PTPRT: variants seen among roughly 807,000 people sequenced by gnomAD.
The protein encoded by PTPRT is receptor-type tyrosine-protein phosphatase T.
A neutral mutation model predicts 176.8 loss-of-function variants in PTPRT; 56 were observed. That is an observed-to-expected ratio of 0.32 (90% CI 0.26 to 0.40). PTPRT has a LOEUF of 0.40. PTPRT is among the 10% of genes least tolerant of loss of function. PTPRT has a pLI of 1.00. For missense variants in PTPRT, 1,540 were observed against 1,908.2 expected (o/e 0.81, Z 3.60); for synonymous variants, 783 against 739.0 (o/e 1.06, Z -0.96).
At chr20:42,253,104 C>A (rs570446690) in intron 13 of PTPRT, among the ~76,000 whole-genome samples, 1 of 152,148 alleles carries the variant, frequency 6.6e-6, no homozygotes, top group Non-Finnish European at 1.5e-5. Flanking sequence ...ACAGCATCCA[C>A]GTGTGACTCC....
intron 1 of PTPRT, among the ~76,000 whole-genome samples, chr20:43,100,005 T>C (rs1216639661): frequency 1.3e-5 from 2 of 152,168 alleles, no homozygotes; most frequent in Non-Finnish European, 2.9e-5. Context: ...TGTATTAATC[T>C]TGGAAGGAAG....
chr20:43,059,356 G>A (rs1047058616), intron 1 of PTPRT, among the ~76,000 whole-genome samples: 4 of 152,126 alleles, frequency 2.6e-5, no homozygotes, highest in African/African-American at 9.7e-5. Context: ...CAGTGAGGAG[G>A]AGCCAAGGCA....
chr20:42,982,510 G>C (rs1983338352), intron 1 of PTPRT, among the ~76,000 whole-genome samples: 1 of 152,178 alleles, frequency 6.6e-6, no homozygotes, highest in South Asian at 2.1e-4. Flanking sequence ...TAAGATCTAA[G>C]CGTATAAAAA....
At chr20:42,461,240 T>G (rs545562476) in intron 8 of PTPRT, among the ~76,000 whole-genome samples, 196 of 152,292 alleles carry the variant, frequency 1.3e-3, no homozygotes, top group African/African-American at 4.7e-3. Flanking sequence ...AGCAGGAGAA[T>G]GGCTTGAACC....
At chr20:42,643,926 G>A (rs1401678125) in intron 7 of PTPRT, among the ~76,000 whole-genome samples, 5 of 151,190 alleles carry the variant, frequency 3.3e-5, no homozygotes, top group African/African-American at 1.2e-4. Flanking sequence ...CTCCTTCTTT[G>A]ACAAGGTGCT....
At chr20:42,749,988 T>C (rs772606080) in intron 6 of PTPRT, among the ~76,000 whole-genome samples, 1 of 152,130 alleles carries the variant, frequency 6.6e-6, no homozygotes, top group Non-Finnish European at 1.5e-5. Context: ...CTATGCCTGA[T>C]ACAGTCTCAA....
chr20:42,350,373 C>T (rs561353863), intron 11 of PTPRT, among the ~76,000 whole-genome samples: 4 of 151,984 alleles, frequency 2.6e-5, no homozygotes, highest in East Asian at 1.9e-4. Context: ...GTACTACAGG[C>T]GTGTGCTACC....
Position 42,856,203 on chromosome 20 carries a change from C to T in PTPRT, c.214+29604G>A, listed in dbSNP as rs141730876. 1.9e-4 allele frequency among the ~76,000 whole-genome samples: 29 copies of T among 152,256 alleles called. No individual in the cohort carries two copies. In the East Asian group the frequency reaches 5.6e-3, roughly 29 times the overall value. Reference sequence around the variant, plus strand: ...AGACAAAGCCCCCAGAGGCTTTTTGCAAGTCCTCAGCAATTTCCTCTCCCA... The same window carrying T: ...AGACAAAGCCCCCAGAGGCTTTTTGTAAGTCCTCAGCAATTTCCTCTCCCA... On this transcript the variant is annotated intron_variant, in intron 2 of 30. Transcript: ENST00000373187.
chr20:42,534,359 C>T (rs949199118), intron 7 of PTPRT, among the ~76,000 whole-genome samples: 25 of 152,144 alleles, frequency 1.6e-4, no homozygotes, highest in Non-Finnish European at 2.9e-5. Context: ...CTAGGCTGGG[C>T]ATGGTGGCTC....
At chr20:42,153,737 G>T (rs1989231419) in intron 17 of PTPRT, among the ~76,000 whole-genome samples, 1 of 152,096 alleles carries the variant, frequency 6.6e-6, no homozygotes, top group Non-Finnish European at 1.5e-5. Flanking sequence ...CCATGGTCAT[G>T]CATGAGCTTC....
At chr20:42,340,960 C>T (rs2058102743) in intron 11 of PTPRT, among the ~76,000 whole-genome samples, 2 of 152,160 alleles carry the variant, frequency 1.3e-5, no homozygotes, top group South Asian at 4.1e-4. Context: ...AGAACTACAT[C>T]TACTTGGACT....
chr20:43,189,222 A>G lies in PTPRT; in HGVS notation c.88+424T>C, dbSNP rs2015474357. On this transcript the variant is annotated intron_variant, in intron 1 of 30. Transcript: ENST00000373187. This position sits in a 1 kb window ranked among gnomAD's most constrained non-coding sequence, Gnocchi z 5.0. Reference sequence around the variant, plus strand: ...GGCCTGCTGGGGACCTGTCCTCCCCACTAAAAGCGCGCGCTGCCCGAGGAG... The same window carrying G: ...GGCCTGCTGGGGACCTGTCCTCCCCGCTAAAAGCGCGCGCTGCCCGAGGAG... Among the ~76,000 whole-genome samples, 1 of 152,010 alleles carries G rather than the reference A, an allele frequency of 6.6e-6. No individual in the cohort carries two copies. The highest frequency in any genetic ancestry group is 1.9e-4 in the East Asian group (1 of 5,142).
intron 17 of PTPRT, among the ~76,000 whole-genome samples, chr20:42,143,574 A>AT (rs1555875794): frequency 6.6e-6 from 1 of 151,154 alleles, no homozygotes; most frequent in African/African-American, 2.4e-5. Flanking sequence ...AAAAAAAAAA[A>AT]GTTGTGGCAG....
At chr20:42,519,684 C>T (rs2072134791) in intron 7 of PTPRT, among the ~76,000 whole-genome samples, 1 of 151,874 alleles carries the variant, frequency 6.6e-6, no homozygotes, top group African/African-American at 2.4e-5. Context: ...TAATTGAGTC[C>T]TTATTTGATC....
intron 4 of PTPRT, among the ~76,000 whole-genome samples, chr20:42,778,457 G>A (rs1166275775): frequency 6.6e-5 from 10 of 152,140 alleles, no homozygotes; most frequent in African/African-American, 2.2e-4. Context: ...TCACCTACTA[G>A]AAAGCTAAAG....
intron 1 of PTPRT, among the ~76,000 whole-genome samples, chr20:43,163,921 T>A (rs995103906): frequency 1.3e-5 from 2 of 152,148 alleles, no homozygotes; most frequent in Non-Finnish European, 1.5e-5. Context: ...TGTTTAAAAT[T>A]TGGACTATAC....
At chr20:42,583,575 T>A (rs2073416519) in intron 7 of PTPRT, among the ~76,000 whole-genome samples, 1 of 152,022 alleles carries the variant, frequency 6.6e-6, no homozygotes, top group South Asian at 2.1e-4. Flanking sequence ...AAAAACTATG[T>A]TCATGGGTAC....
intron 7 of PTPRT, among the ~76,000 whole-genome samples, chr20:42,503,706 T>G (rs1181133937): frequency 1.3e-5 from 2 of 152,120 alleles, no homozygotes; most frequent in Non-Finnish European, 2.9e-5. Context: ...GTCATATAAA[T>G]CTTTTCTTTA....
At chr20:42,282,146 A>G (rs2147055324) in intron 13 of PTPRT, among the ~76,000 whole-genome samples, 1 of 152,304 alleles carries the variant, frequency 6.6e-6, no homozygotes, top group South Asian at 2.1e-4. Flanking sequence ...AAAAATACCC[A>G]CATAAACATA....
Sources: gnomAD v4.1 joint callset for allele counts (sites outside exome capture counted in the v4.1 genomes callset) on GRCh38, gnomAD v4.1.1 for gene constraint, Gnocchi (gnomAD v3.1) non-coding constraint, MANE v1.5 for transcripts, NCBI Gene and HGNC (gene_info 2026-07-23, HGNC 2026-07-21) for gene names.